The following METTL25 variants were observed in gnomAD, a reference collection of about 807,000 sequenced individuals.
METTL25 encodes the protein probable methyltransferase-like protein 25.
METTL25 carries 64 observed loss-of-function variants against 71.6 expected under a neutral mutation model. The observed-to-expected ratio is 0.89, with a 90% CI of 0.73 to 1.10. The LOEUF is 1.10. Ranked by LOEUF, METTL25 falls within the 50% of genes least tolerant of loss-of-function variation. The pLI is 0.00. For missense variants in METTL25, 807 were observed against 707.0 expected, an observed-to-expected ratio of 1.14 and a Z score of -1.60; for synonymous variants, 287 against 250.3, an observed-to-expected ratio of 1.15 and a Z score of -1.38.
At chr12:82,428,919 C>T (rs968311191) in intron 5 of METTL25, among the ~76,000 whole-genome samples, 2 of 151,812 alleles carry the variant, frequency 1.3e-5, no homozygotes, top group Admixed American at 1.3e-4. Flanking sequence ...TTTATTGATA[C>T]ATAATATTTG....
In METTL25 at chr12:82,478,871, T is replaced by G; in HGVS notation, c.1720-61T>G. The G allele has an allele frequency of 3.1e-6, 4 of 1,274,822 alleles. No homozygotes were observed. The Admixed American group carries it at 6.9e-5, about 22-fold the overall frequency. 79.0% of individuals were successfully genotyped at this position (1,274,822 alleles called of 1,614,324 possible). ...TTTATATTACAATATATAATCCAAC[T>G]CGCGTCTAATTTTTTTCTTCAACAA... On this transcript the variant is annotated intron_variant, in intron 11 of 11. Transcript: ENST00000248306.
chr12:82,372,854 G>A (rs1016587978), intron 1 of METTL25, among the ~76,000 whole-genome samples: 4 of 151,964 alleles, frequency 2.6e-5, no homozygotes, highest in Non-Finnish European at 4.4e-5. Flanking sequence ...AGTTGCACTC[G>A]CCGACGTAGC....
intron 5 of METTL25, among the ~76,000 whole-genome samples, chr12:82,417,342 C>T (rs545983558): frequency 2.2e-4 from 33 of 152,182 alleles, no homozygotes; most frequent in Non-Finnish European, 4.0e-4. Flanking sequence ...AAACTTTCAA[C>T]GATGAATGAA....
chr12:82,465,919 T>G (rs1316155979), intron 9 of METTL25, among the ~76,000 whole-genome samples: 4 of 151,828 alleles, frequency 2.6e-5, no homozygotes, highest in Admixed American at 1.3e-4. Flanking sequence ...TAATGAGTCT[T>G]TATATTCTGT....
intron 1 of METTL25, among the ~76,000 whole-genome samples, chr12:82,378,680 T>G (rs1028251002): frequency 1.3e-5 from 2 of 152,184 alleles, no homozygotes; most frequent in Non-Finnish European, 2.9e-5. Context: ...TTAGTTATGT[T>G]TAAATTTACA....
Position 82,358,691 on chromosome 12 carries a change from C to T in METTL25, c.126C>T (p.Tyr42=). The T allele has an allele frequency of 6.2e-7, 1 of 1,614,204 alleles. No individual in the cohort carries two copies. The highest frequency in any genetic ancestry group is 8.5e-7 in the Non-Finnish European group (1 of 1,180,050). The change falls in exon 1 of 12, where the codon TAC becomes TAT. Residue 42 remains tyrosine (Y), a synonymous_variant. Coordinates refer to ENST00000248306, the MANE Select transcript of METTL25 (RefSeq NM_032230.3). ...SISNAHTVDF[Y]TESVWEELVD... ...CCAATGCACATACCGTGGATTTCTA[C>T]ACAGAATCCGTGTGGGAGGAGCTGG...
intron 5 of METTL25, among the ~76,000 whole-genome samples, chr12:82,421,654 C>A (rs1472815295): frequency 2.6e-5 from 4 of 151,738 alleles, no homozygotes; most frequent in African/African-American, 7.3e-5. Context: ...ACTAGCAAGA[C>A]TAATAAAGAA....
At chr12:82,379,140 T>C (rs1359695220) in intron 1 of METTL25, among the ~76,000 whole-genome samples, 1 of 152,196 alleles carries the variant, frequency 6.6e-6, no homozygotes, top group Non-Finnish European at 1.5e-5. Context: ...ATTGGTCTTC[T>C]CAGTAAATGG....
intron 3 of METTL25, among the ~76,000 whole-genome samples, chr12:82,397,434 A>G (rs1886178348): frequency 6.6e-6 from 1 of 152,078 alleles, no homozygotes; most frequent in Non-Finnish European, 1.5e-5. Flanking sequence ...CTTTTTGAAT[A>G]GAAGTTTTAA....
chr12:82,404,833 A>G (rs1886947503), intron 5 of METTL25, among the ~76,000 whole-genome samples: 1 of 151,888 alleles, frequency 6.6e-6, no homozygotes, highest in African/African-American at 2.4e-5. Flanking sequence ...AATCGCAGCT[A>G]CCCTGGGGGC....
At chr12:82,374,280 G>C (rs1386837002) in intron 1 of METTL25, 1 of 152,248 alleles carries the variant, frequency 6.6e-6, no homozygotes, top group Non-Finnish European at 1.5e-5. Context: ...AAATAACAAA[G>C]CTTCCACAGC....
At chr12:82,442,481 A>C (rs747774353) in intron 8 of METTL25, among the ~76,000 whole-genome samples, 3 of 152,170 alleles carry the variant, frequency 2.0e-5, no homozygotes, top group Non-Finnish European at 4.4e-5. Flanking sequence ...CAATCCCAAA[A>C]GGTTATATAC....
intron 1 of METTL25, among the ~76,000 whole-genome samples, chr12:82,380,986 T>A: frequency 6.6e-6 from 1 of 152,188 alleles, no homozygotes; most frequent in East Asian, 1.9e-4. Flanking sequence ...AGTAAGCTCA[T>A]TCCATGTGGC....
intron 5 of METTL25, among the ~76,000 whole-genome samples, chr12:82,411,180 G>A (rs1017491984): frequency 6.6e-6 from 1 of 151,934 alleles, no homozygotes; most frequent in Non-Finnish European, 1.5e-5. Context: ...GCTACTAAGG[G>A]TATTTGTGTA....
At chr12:82,374,785 T>A (rs1290825205) in intron 1 of METTL25, among the ~76,000 whole-genome samples, 4 of 152,236 alleles carry the variant, frequency 2.6e-5, no homozygotes, top group Non-Finnish European at 2.9e-5. Context: ...TATTAATATA[T>A]TTTTAAGTAG....
chr12:82,476,624 TG>T lies in METTL25; in HGVS notation c.1573-19del, dbSNP rs778458190. 8.2e-6 allele frequency: 12 copies of T among 1,469,620 alleles called. No homozygotes were observed. The highest frequency in any genetic ancestry group is 1.1e-5 in the Non-Finnish European group (12 of 1,060,908). 91.0% of individuals were successfully genotyped at this position (1,469,620 alleles called of 1,614,324 possible). A position where few individuals can be genotyped will look rare whatever the true frequency, so the allele number is the denominator to read the frequency against. ...ATTTTTAAACTATCGTTAAATTTAT[TG>T]TTGTTTTTTATCTTGAAGCTGCCAG... On this transcript the variant is annotated intron_variant, in intron 9 of 11. Transcript: ENST00000248306.
chr12:82,430,935 TAAAG>T lies in METTL25; in HGVS notation c.1323_1326del (p.Glu443ArgfsTer72). 1 of 1,603,206 alleles carries T rather than the reference TAAAG, an allele frequency of 6.2e-7. No homozygotes were observed. The highest frequency in any genetic ancestry group is 8.5e-7 in the Non-Finnish European group (1 of 1,173,582). On this transcript the variant is annotated frameshift_variant, in exon 6 of 12. Transcript: ENST00000248306. LOFTEE classifies it high-confidence loss of function. The stretch of plus-strand genomic sequence containing the variant: ...TGGGGATTTCCAATGTGCCACTATT[TAAAG>T]GAAGAGAGATGGTGCTGTGGTCGTA...
At chr12:82,437,782 T>C (rs1890024357) in intron 7 of METTL25, among the ~76,000 whole-genome samples, 1 of 151,696 alleles carries the variant, frequency 6.6e-6, no homozygotes, top group Non-Finnish European at 1.5e-5. Flanking sequence ...AGTTTTACCT[T>C]ATTTGACTTC....
At chr12:82,410,964 T>C (rs1287144907) in intron 5 of METTL25, among the ~76,000 whole-genome samples, 2 of 152,102 alleles carry the variant, frequency 1.3e-5, no homozygotes. Context: ...GATTAAAATC[T>C]ATTAAATATG....
Sources: allele counts gnomAD v4.1 joint callset (sites outside exome capture counted in the v4.1 genomes callset), GRCh38; gene constraint gnomAD v4.1.1; transcripts MANE v1.5; gene names NCBI Gene and HGNC (gene_info 2026-07-23, HGNC 2026-07-21).